Variants in RBKS observed in about 807,000 individuals in gnomAD.
RBKS encodes the protein ribokinase.
In RBKS, 33 loss-of-function variants were observed where a neutral mutation model predicts 33.9. That is an observed-to-expected ratio of 0.97 (90% CI 0.74 to 1.30). RBKS has a LOEUF of 1.30. RBKS is among the 50% of genes most tolerant of loss of function. The pLI is 0.00. For synonymous variants in RBKS, 125 were observed against 143.0 expected (o/e 0.87, Z 0.90); for missense variants, 361 against 392.6 (o/e 0.92, Z 0.68).
chr2:27,803,545 C>T (rs1394918111), intron 7 of RBKS, among the ~76,000 whole-genome samples: 7 of 151,822 alleles, frequency 4.6e-5, no homozygotes, highest in African/African-American at 1.7e-4. Context: ...CAAAAATTAG[C>T]TGGGTTTGGT....
chr2:27,815,217 C>G (rs1021432226), intron 7 of RBKS, among the ~76,000 whole-genome samples: 2 of 151,790 alleles, frequency 1.3e-5, no homozygotes, highest in African/African-American at 4.8e-5. Context: ...TTTTTTCCCC[C>G]CTCTTTTTGA....
At chr2:27,815,288 G>A (rs1678065807) in intron 7 of RBKS, among the ~76,000 whole-genome samples, 1 of 152,000 alleles carries the variant, frequency 6.6e-6, no homozygotes, top group Non-Finnish European at 1.5e-5. Flanking sequence ...GCTCACTGCA[G>A]CCTTGGTCTC....
chr2:27,816,759 A>G (rs930041558), intron 7 of RBKS, among the ~76,000 whole-genome samples: 8 of 151,812 alleles, frequency 5.3e-5, no homozygotes, highest in Non-Finnish European at 1.2e-4. Context: ...CACCACGCCC[A>G]GCTAATTTTT....
chr2:27,838,278 G>T (rs975953865), intron 5 of RBKS, among the ~76,000 whole-genome samples: 1 of 151,970 alleles, frequency 6.6e-6, no homozygotes, highest in African/African-American at 2.4e-5. Flanking sequence ...TTTAAAAGTA[G>T]AAAAAAAGAC....
chr2:27,853,016 TCA>T (rs1308442052), intron 2 of RBKS, among the ~76,000 whole-genome samples: 1 of 152,146 alleles, frequency 6.6e-6, no homozygotes, highest in East Asian at 1.9e-4. Flanking sequence ...ATATAAAATC[TCA>T]GTTATTAAAG....
At chr2:27,878,451 T>A (rs1350281763) in intron 1 of RBKS, among the ~76,000 whole-genome samples, 21 of 151,850 alleles carry the variant, frequency 1.4e-4, no homozygotes, top group African/African-American at 4.9e-4. Flanking sequence ...TTGGGTTGGT[T>A]CCAAGTCTTT....
intron 1 of RBKS, among the ~76,000 whole-genome samples, chr2:27,886,458 G>C (rs1170985989): frequency 6.6e-6 from 1 of 152,168 alleles, no homozygotes; most frequent in African/African-American, 2.4e-5. Flanking sequence ...ATCCTTAGTT[G>C]TTATTCCTTA....
chr2:27,875,283 C>G (rs1664289137), intron 1 of RBKS, among the ~76,000 whole-genome samples: 2 of 152,214 alleles, frequency 1.3e-5, no homozygotes, highest in African/African-American at 4.8e-5. Context: ...TATGGTGTCT[C>G]ACGTCTGTAA....
chr2:27,809,270 G>C (rs13023003), intron 7 of RBKS, among the ~76,000 whole-genome samples: 34,597 of 152,198 alleles, frequency 0.23, 4,942 homozygotes, highest in East Asian at 0.65. Flanking sequence ...GGCAGGTGCT[G>C]CTCCCAGCCA....
chr2:27,834,802 G>A (rs1369025048), intron 5 of RBKS, among the ~76,000 whole-genome samples: 1 of 152,228 alleles, frequency 6.6e-6, no homozygotes, highest in Admixed American at 6.5e-5. Context: ...CAACATGGTA[G>A]AGCCATTCTT....
intron 1 of RBKS, among the ~76,000 whole-genome samples, chr2:27,888,847 T>C (rs1248894559): frequency 1.3e-5 from 2 of 152,204 alleles, no homozygotes; most frequent in Non-Finnish European, 2.9e-5. Context: ...ATTTACTATC[T>C]GGCCCTTTAC....
intron 1 of RBKS, among the ~76,000 whole-genome samples, chr2:27,864,776 A>T (rs1664055780): frequency 6.6e-6 from 1 of 152,170 alleles, no homozygotes; most frequent in Non-Finnish European, 1.5e-5. Context: ...ACTCCCTAAT[A>T]GTAAATTTTG....
At chr2:27,797,187 G>A (rs1475374311) in intron 7 of RBKS, among the ~76,000 whole-genome samples, 1 of 152,190 alleles carries the variant, frequency 6.6e-6, no homozygotes, top group African/African-American at 2.4e-5. Context: ...GTTTTCATCA[G>A]AACCCAGGGG....
chr2:27,876,245 T>C (rs1024645618), intron 1 of RBKS, among the ~76,000 whole-genome samples: 1 of 152,188 alleles, frequency 6.6e-6, no homozygotes, highest in Non-Finnish European at 1.5e-5. Context: ...AAATGTCCAC[T>C]GATAGATGAA....
intron 7 of RBKS, among the ~76,000 whole-genome samples, chr2:27,805,578 T>C (rs533810550): frequency 6.6e-6 from 1 of 152,314 alleles, no homozygotes; most frequent in African/African-American, 2.4e-5. Flanking sequence ...TTGTATTTTT[T>C]ATTTTCATTT....
rs372314290 is a variant in RBKS at position 27,858,527 on chromosome 2, T to C, written c.134A>G (p.His45Arg). 11 of 1,613,922 alleles carry C rather than the reference T, an allele frequency of 6.8e-6. No individual in the cohort carries two copies. The highest frequency in any genetic ancestry group is 2.2e-5 in the East Asian group (1 of 44,894). The change falls in exon 2 of 8, where the codon CAT becomes CGT. Residue 45 changes from histidine (H) to arginine (R), a missense_variant. Transcript: ENST00000302188. ...LPKTGETIHG[H>R]KFFIGFGGKG... is the part of the protein sequence containing the mutation. ...CCCTCCAAAGCCAATAAAAAACTTA[T>C]GTCCATGGATGGTTTCTCCAGTTTT...
chr2:27,796,584 C>G (rs1197303547), intron 7 of RBKS, among the ~76,000 whole-genome samples: 1 of 152,086 alleles, frequency 6.6e-6, no homozygotes, highest in Non-Finnish European at 1.5e-5. Flanking sequence ...ATTGAGGAAG[C>G]TGGGGAATCA....
Position 27,781,662 on chromosome 2 carries a change from G to A in RBKS, c.922C>T (p.Gln308Ter). 6.2e-7 allele frequency: 1 copy of A among 1,613,940 alleles called. No individual in the cohort carries two copies. Among genetic ancestry groups the A allele is most frequent in the Non-Finnish European group, 8.5e-7 (1 of 1,179,910 alleles). ...TCTTTTTTGTAAGGGTAAGATGACTGTGTTCCTGCAGCCTGGACACTGACT... is the reference window on the plus strand; with the variant it reads ...TCTTTTTTGTAAGGGTAAGATGACTATGTTCCTGCAGCCTGGACACTGACT... ...AAVSVQAAGT[Q>*]SSYPYKKDLP... The change falls in exon 8 of 8, where the codon CAG becomes TAG. Residue 308 changes from glutamine (Q) to a stop codon, truncating the protein, a stop_gained. Coordinates refer to ENST00000302188, the MANE Select transcript of RBKS (RefSeq NM_022128.3). LOFTEE classifies it high-confidence loss of function.
At chr2:27,832,989 C>G (rs961436419) in intron 5 of RBKS, among the ~76,000 whole-genome samples, 3 of 152,152 alleles carry the variant, frequency 2.0e-5, no homozygotes, top group Admixed American at 6.5e-5. Flanking sequence ...TTACTTTGTA[C>G]TTTACAACAT....
Sources: gnomAD v4.1 joint callset for allele counts (sites outside exome capture counted in the v4.1 genomes callset) on GRCh38, gnomAD v4.1.1 for gene constraint, MANE v1.5 for transcripts, NCBI Gene and HGNC (gene_info 2026-07-23, HGNC 2026-07-21) for gene names.